CNTNAP5: variants seen among roughly 807,000 people sequenced by gnomAD.
CNTNAP5 encodes contactin associated protein family member 5, also known as contactin-associated protein-like 5.
In CNTNAP5, 72 loss-of-function variants were observed where a neutral mutation model predicts 150.2. The observed-to-expected ratio is 0.48, with a 90% CI of 0.40 to 0.58. CNTNAP5 has a LOEUF of 0.58. CNTNAP5 is among the 20% of genes least tolerant of loss of function. The pLI is 0.00. For synonymous variants in CNTNAP5, 672 were observed against 619.8 expected (o/e 1.08, Z -1.25); for missense variants, 1,636 against 1,626.2 (o/e 1.01, Z -0.10).
At chr2:124,401,899 G>T (rs1259458882) in intron 3 of CNTNAP5, among the ~76,000 whole-genome samples, 1 of 152,176 alleles carries the variant, frequency 6.6e-6, no homozygotes, top group East Asian at 1.9e-4. Flanking sequence ...GACAACACTG[G>T]AGTCTCCAGT....
At chr2:124,676,063 T>A (rs1032595319) in intron 13 of CNTNAP5, among the ~76,000 whole-genome samples, 2 of 152,214 alleles carry the variant, frequency 1.3e-5, no homozygotes, top group Admixed American at 6.5e-5. Flanking sequence ...TGATAAAATA[T>A]CTGTATTCAT....
chr2:124,520,024 A>G (rs1488912392), intron 8 of CNTNAP5, among the ~76,000 whole-genome samples: 1 of 152,214 alleles, frequency 6.6e-6, no homozygotes, highest in Non-Finnish European at 1.5e-5. Context: ...TGTACATTAA[A>G]AAACACTGAA....
rs796426362 is a variant in CNTNAP5 at position 124,825,658 on chromosome 2, A to G, written c.3217+27338A>G. On this transcript the variant is annotated intron_variant, in intron 19 of 23. Transcript: ENST00000682447. ...TGGGAAACACTTGTGGGAGGGGAGG[A>G]TTATACTTTAGGGCCTGGAAGGGGC... Among the ~76,000 whole-genome samples, 16 of 152,214 alleles carry G rather than the reference A, an allele frequency of 1.1e-4. 1 individual carries two copies. The highest frequency in any genetic ancestry group is 3.1e-4 in the African/African-American group (13 of 41,512).
At chr2:124,786,019 C>T (rs1021439540) in intron 17 of CNTNAP5, among the ~76,000 whole-genome samples, 11 of 152,012 alleles carry the variant, frequency 7.2e-5, no homozygotes, top group South Asian at 2.1e-4. Context: ...GAGGATTGCT[C>T]GAGCTCAGCG....
chr2:124,914,062 C>G, intron 23 of CNTNAP5, 30 bp from the exon 24 acceptor site: 1 of 1,553,518 alleles, frequency 6.4e-7, no homozygotes, highest in Non-Finnish European at 8.8e-7. Context: ...TGACGATTTC[C>G]TTCTCTCTTT....
intron 3 of CNTNAP5, among the ~76,000 whole-genome samples, chr2:124,338,253 A>G (rs1689525815): frequency 6.6e-6 from 1 of 152,112 alleles, no homozygotes; most frequent in East Asian, 1.9e-4. Flanking sequence ...TTATCAGCTT[A>G]AGGAGATTTT....
chr2:124,352,987 C>G (rs1316552761), intron 3 of CNTNAP5, among the ~76,000 whole-genome samples: 1 of 152,134 alleles, frequency 6.6e-6, no homozygotes, highest in Non-Finnish European at 1.5e-5. Context: ...GAGAAAGATG[C>G]ACAGGCTCAG....
At chr2:124,228,589 A>G (rs1244062939) in intron 2 of CNTNAP5, among the ~76,000 whole-genome samples, 1 of 152,196 alleles carries the variant, frequency 6.6e-6, no homozygotes, top group Non-Finnish European at 1.5e-5. Context: ...ACCAAATGAC[A>G]TGTGCATTTT....
intron 3 of CNTNAP5, among the ~76,000 whole-genome samples, chr2:124,296,878 T>G (rs1438179145): frequency 6.6e-6 from 1 of 152,160 alleles, no homozygotes; most frequent in Non-Finnish European, 1.5e-5. Context: ...GGAGAAGGGC[T>G]CTCTGCCACT....
chr2:124,492,183 A>G (rs904804226), intron 7 of CNTNAP5, among the ~76,000 whole-genome samples: 1 of 152,140 alleles, frequency 6.6e-6, no homozygotes, highest in African/African-American at 2.4e-5. Flanking sequence ...ATCCAAAATC[A>G]TTGCCTAGAC....
chr2:124,352,895 C>G (rs921988878), intron 3 of CNTNAP5, among the ~76,000 whole-genome samples: 3 of 152,144 alleles, frequency 2.0e-5, no homozygotes, highest in Non-Finnish European at 2.9e-5. Flanking sequence ...TTACTGAACT[C>G]ATAAAATGCT....
At chr2:124,707,010 AGG>A in intron 13 of CNTNAP5, among the ~76,000 whole-genome samples, 1 of 91,002 alleles carries the variant, frequency 1.1e-5, no homozygotes, top group Non-Finnish European at 2.4e-5. Context: ...AAGAAGAAGG[AGG>A]AGGAGGAGAA....
intron 13 of CNTNAP5, among the ~76,000 whole-genome samples, chr2:124,728,895 C>A (rs1167849841): frequency 1.3e-5 from 2 of 152,096 alleles, no homozygotes; most frequent in East Asian, 1.9e-4. Context: ...ATAAGCTAGA[C>A]TATTTTCTAT....
chr2:124,086,079 C>T (rs1682681346), intron 1 of CNTNAP5, among the ~76,000 whole-genome samples: 1 of 151,926 alleles, frequency 6.6e-6, no homozygotes, highest in African/African-American at 2.4e-5. Context: ...ACGTCTCAAA[C>T]TACACTTGTG....
At chr2:124,548,114 GA>G (rs899704645) in intron 10 of CNTNAP5, among the ~76,000 whole-genome samples, 74 of 152,262 alleles carry the variant, frequency 4.9e-4, no homozygotes, top group African/African-American at 1.5e-3. Context: ...GAAAGAGGGG[GA>G]AAAAACATTA....
intron 1 of CNTNAP5, among the ~76,000 whole-genome samples, chr2:124,193,321 T>A (rs1187495517): frequency 2.6e-5 from 4 of 152,234 alleles, no homozygotes; most frequent in African/African-American, 9.6e-5. Context: ...ATTCAACCCA[T>A]AACCTATAGT....
intron 3 of CNTNAP5, among the ~76,000 whole-genome samples, chr2:124,319,666 G>A (rs1689052030): frequency 6.6e-6 from 1 of 152,138 alleles, no homozygotes; most frequent in South Asian, 2.1e-4. Context: ...GACATTTTGA[G>A]CCAGATAATT....
chr2:124,451,828 C>T lies in CNTNAP5; in HGVS notation c.918+4891C>T, dbSNP rs565881896. 2.4e-4 allele frequency among the ~76,000 whole-genome samples: 36 copies of T among 152,208 alleles called. No homozygotes were observed. The South Asian group carries it at 6.4e-3, about 27-fold the overall frequency. On this transcript the variant is annotated intron_variant, in intron 6 of 23. Transcript: ENST00000682447. Reference sequence around the variant, plus strand: ...TCTAGATTACGGGAGAAGATTTTGACCTTACTTGGAGCTCATTGAATTTAG... The same window carrying T: ...TCTAGATTACGGGAGAAGATTTTGATCTTACTTGGAGCTCATTGAATTTAG...
At chr2:124,393,641 C>T (rs1400491893) in intron 3 of CNTNAP5, among the ~76,000 whole-genome samples, 1 of 152,208 alleles carries the variant, frequency 6.6e-6, no homozygotes, top group Non-Finnish European at 1.5e-5. Context: ...CTCAGCTGTC[C>T]TCACAGGGTG....
Sources: allele counts gnomAD v4.1 joint callset (sites outside exome capture counted in the v4.1 genomes callset), GRCh38; gene constraint gnomAD v4.1.1; transcripts MANE v1.5; gene names NCBI Gene and HGNC (gene_info 2026-07-23, HGNC 2026-07-21).